The following OPCML variants were observed in gnomAD, a reference collection of about 807,000 sequenced individuals.
OPCML encodes opioid-binding protein/cell adhesion molecule.
In OPCML, 13 loss-of-function variants were observed where a neutral mutation model predicts 37.8. That is an observed-to-expected ratio of 0.34 (90% confidence interval 0.22 to 0.55). The LOEUF (loss-of-function observed/expected upper bound fraction) is 0.55, where lower values mean the gene tolerates loss of function less well. Ranked by LOEUF, OPCML falls within the 20% of genes least tolerant of loss-of-function variation. The pLI is 0.91. For missense variants in OPCML, 341 were observed against 435.6 expected (o/e 0.78, Z 1.93); for synonymous variants, 176 against 168.8 (o/e 1.04, Z -0.33).
At chr11:132,448,995 C>A (rs2096062168) in intron 4 of OPCML, among the ~76,000 whole-genome samples, 1 of 152,184 alleles carries the variant, frequency 6.6e-6, no homozygotes, top group Non-Finnish European at 1.5e-5. Context: ...TCCTTAAGTT[C>A]TGGAAATCTG....
intron 1 of OPCML, among the ~76,000 whole-genome samples, chr11:133,062,414 C>T (rs1474686257): frequency 1.3e-5 from 2 of 152,182 alleles, no homozygotes; most frequent in Non-Finnish European, 2.9e-5. Flanking sequence ...CTGGCGTTAC[C>T]ACTATTGACA....
chr11:133,178,472 A>T (rs192621193), intron 1 of OPCML, among the ~76,000 whole-genome samples: 301 of 152,242 alleles, frequency 2.0e-3, no homozygotes, highest in African/African-American at 7.0e-3. Context: ...TATATATATT[A>T]GACTCTTGCC....
At chr11:132,899,445 A>G (rs958944809) in intron 2 of OPCML, among the ~76,000 whole-genome samples, 1 of 143,432 alleles carries the variant, frequency 7.0e-6, no homozygotes, top group Non-Finnish European at 1.5e-5. Context: ...TTATCATCCA[A>G]ACACTTTACC....
intron 2 of OPCML, among the ~76,000 whole-genome samples, chr11:132,752,488 C>T (rs2136072623): frequency 6.6e-6 from 1 of 152,122 alleles, no homozygotes; most frequent in East Asian, 1.9e-4. Context: ...GTTGAGGAGC[C>T]TTGGAGAGAA....
chr11:132,675,585 T>G (rs1942668384), intron 2 of OPCML, among the ~76,000 whole-genome samples: 1 of 152,036 alleles, frequency 6.6e-6, no homozygotes, highest in Non-Finnish European at 1.5e-5. Context: ...ATAAAGAAAT[T>G]TAGCAAGGTT....
chr11:132,636,184 G>A (rs750511617), intron 3 of OPCML, among the ~76,000 whole-genome samples: 4 of 152,034 alleles, frequency 2.6e-5, no homozygotes, highest in Non-Finnish European at 5.9e-5. Flanking sequence ...ATTATCTGTG[G>A]ATGAATGATG....
chr11:132,957,882 T>C (rs1157691985), intron 1 of OPCML, among the ~76,000 whole-genome samples: 3 of 152,142 alleles, frequency 2.0e-5, no homozygotes, highest in African/African-American at 7.2e-5. Flanking sequence ...TCTCTCTCCT[T>C]CTCCTCAGGC....
chr11:132,619,642 T>A (rs146134337), intron 3 of OPCML, among the ~76,000 whole-genome samples: 1 of 146,296 alleles, frequency 6.8e-6, no homozygotes. Context: ...ATCAAGACCA[T>A]CCTGGCTAAC....
intron 1 of OPCML, among the ~76,000 whole-genome samples, chr11:133,270,350 C>T (rs1030219033): frequency 1.3e-4 from 19 of 151,952 alleles, no homozygotes; most frequent in African/African-American, 4.6e-4. Flanking sequence ...TTTAAAATAT[C>T]ACACAGTTGG....
chr11:133,037,856 C>A (rs925929099), intron 1 of OPCML, among the ~76,000 whole-genome samples: 3 of 152,198 alleles, frequency 2.0e-5, no homozygotes, highest in East Asian at 1.9e-4. Context: ...ATTAAGATAA[C>A]CTTTGATCTT....
intron 1 of OPCML, among the ~76,000 whole-genome samples, chr11:133,355,326 T>C (rs961217637): frequency 4.6e-5 from 7 of 152,206 alleles, no homozygotes; most frequent in South Asian, 4.1e-4. Flanking sequence ...TAACTGTTAA[T>C]GGAATTAACC....
intron 2 of OPCML, among the ~76,000 whole-genome samples, chr11:132,813,816 C>T (rs1316596012): frequency 6.6e-6 from 1 of 152,150 alleles, no homozygotes; most frequent in African/African-American, 2.4e-5. Context: ...ATTGCTCTCC[C>T]CCATCCTACC....
At chr11:132,563,856 A>G (rs1255771497) in intron 3 of OPCML, among the ~76,000 whole-genome samples, 3 of 152,090 alleles carry the variant, frequency 2.0e-5, no homozygotes, top group Non-Finnish European at 4.4e-5. Context: ...AATCAGTGAG[A>G]CTTTTTTTGG....
intron 4 of OPCML, among the ~76,000 whole-genome samples, chr11:132,481,075 T>A (rs1404907698): frequency 6.6e-6 from 1 of 152,186 alleles, no homozygotes; most frequent in South Asian, 2.1e-4. Context: ...TTAAACAATA[T>A]TAACTTTAAA....
At chr11:133,230,514 A>G (rs1940232981) in intron 1 of OPCML, among the ~76,000 whole-genome samples, 1 of 152,180 alleles carries the variant, frequency 6.6e-6, no homozygotes. Flanking sequence ...TAACTGAAAC[A>G]AGAGGTTTTC....
intron 2 of OPCML, among the ~76,000 whole-genome samples, chr11:132,741,162 C>T (rs1051524319): frequency 9.2e-5 from 14 of 152,272 alleles, no homozygotes; most frequent in African/African-American, 3.4e-4. Context: ...CAGAACTTAT[C>T]CTGTCTCATG....
chr11:132,545,148 A>G (rs1283889362), intron 3 of OPCML, among the ~76,000 whole-genome samples: 3 of 152,206 alleles, frequency 2.0e-5, no homozygotes, highest in South Asian at 2.1e-4. Context: ...CAGGAGCCAA[A>G]TACCCACTAT....
At chr11:132,866,521 G>T (rs1173218629) in intron 2 of OPCML, among the ~76,000 whole-genome samples, 2 of 152,134 alleles carry the variant, frequency 1.3e-5, no homozygotes, top group Non-Finnish European at 2.9e-5. Context: ...ATCTCAAATT[G>T]TACCAAGAGA....
At chr11:132,581,638 C>T (rs1220082285) in intron 3 of OPCML, among the ~76,000 whole-genome samples, 1 of 152,196 alleles carries the variant, frequency 6.6e-6, no homozygotes, top group Non-Finnish European at 1.5e-5. Context: ...CTCCCTACAT[C>T]TTAAACCTGA....
Sources: allele counts gnomAD v4.1 joint callset (sites outside exome capture counted in the v4.1 genomes callset), GRCh38; gene constraint gnomAD v4.1.1; transcripts MANE v1.5; gene names NCBI Gene and HGNC (gene_info 2026-07-23, HGNC 2026-07-21).